IPO7: variants seen among roughly 807,000 people sequenced by gnomAD.
The protein encoded by IPO7 is importin 7.
A neutral mutation model predicts 136.4 loss-of-function variants in IPO7; 13 were observed. The ratio of observed to expected loss-of-function variants is 0.10; its 90% CI spans 0.06 to 0.15. IPO7 has a LOEUF of 0.15. Among genes scored for constraint, IPO7 ranks in the 10% least tolerant of loss-of-function variants. IPO7 has a pLI of 1.00. For synonymous variants in IPO7, 403 were observed against 404.4 expected (o/e 1.00, Z 0.04); for missense variants, 857 against 1,240.6 (o/e 0.69, Z 4.65).
At chr11:9,440,405 G>A (rs1354312743) in intron 22 of IPO7, 50 bp from the exon 23 acceptor site, 1 of 1,431,530 alleles carries the variant, frequency 7.0e-7, no homozygotes. Flanking sequence ...AATTTGTTGA[G>A]TAACAAAATA....
chr11:9,417,715 CTT>C (rs1191474959), intron 6 of IPO7, among the ~76,000 whole-genome samples: 22 of 138,294 alleles, frequency 1.6e-4, no homozygotes, highest in Admixed American at 2.9e-4. Context: ...TTTCTTTTTT[CTT>C]TTTTTTTTTT....
chr11:9,413,800 G>T (rs1855001772), intron 4 of IPO7, among the ~76,000 whole-genome samples: 1 of 151,862 alleles, frequency 6.6e-6, no homozygotes, highest in Admixed American at 6.6e-5. Context: ...GGAAGTATTT[G>T]ATTATATTTG....
At chr11:9,404,167 G>A (rs548064095) in intron 2 of IPO7, among the ~76,000 whole-genome samples, 1 of 151,862 alleles carries the variant, frequency 6.6e-6, no homozygotes, top group African/African-American at 2.4e-5. Context: ...CACCTATTTT[G>A]TTAAAAATTT....
At chr11:9,436,959 C>T (rs1855385679) in intron 20 of IPO7, among the ~76,000 whole-genome samples, 1 of 139,172 alleles carries the variant, frequency 7.2e-6, no homozygotes. Context: ...AATCTCAGCT[C>T]ACTGCAACCT....
chr11:9,411,221 G>C (rs1428039991), intron 4 of IPO7, among the ~76,000 whole-genome samples: 1 of 152,192 alleles, frequency 6.6e-6, no homozygotes, highest in African/African-American at 2.4e-5. Flanking sequence ...GATACAGGAG[G>C]CTGCTACATC....
At chr11:9,438,322 T>G in intron 22 of IPO7, 37 bp downstream of exon 22, 1 of 1,276,602 alleles carries the variant, frequency 7.8e-7, no homozygotes, top group Non-Finnish European at 1.1e-6. Flanking sequence ...AAAACTTATC[T>G]ACTTAGAAAT....
chr11:9,403,465 A>G (rs1397606634), intron 2 of IPO7, 94 bp downstream of exon 2: 2 of 882,258 alleles, frequency 2.3e-6, no homozygotes, highest in Non-Finnish European at 3.6e-6. Context: ...CCCTTTGGCA[A>G]TTTTTTCCCC....
intron 1 of IPO7, among the ~76,000 whole-genome samples, chr11:9,391,117 G>A (rs1486780754): frequency 1.3e-5 from 2 of 152,128 alleles, no homozygotes; most frequent in Non-Finnish European, 2.9e-5. Context: ...TTCCTAGTTG[G>A]AGGTCAGATG....
In IPO7 at chr11:9,428,566, A is replaced by G; in HGVS notation, c.1362A>G (p.Glu454=). The G allele has an allele frequency of 1.3e-6, 2 of 1,547,156 alleles. No homozygotes were observed. ...AAAAGATCTATAAAGATCAGATGGA[A>G]TACATGTTGCAGAATCATGTATTCC... ...LKKKIYKDQM[E]YMLQNHVFPL... is the part of the protein sequence containing the mutation. The change falls in exon 13 of 25, where the codon GAA becomes GAG. Residue 454 remains glutamate, a synonymous_variant. Transcript: ENST00000379719.
rs1590439931 is a variant in IPO7, at chr11:9,418,611, A to T, written c.726+1463A>T. ...ATTTCTACACCCTCCATAGGAAACT[A>T]GTTTGGTGTATATTTTTCTTTGCAC... On this transcript the variant is annotated intron_variant, in intron 6 of 24. Coordinates refer to ENST00000379719, the MANE Select transcript of IPO7 (RefSeq NM_006391.3). 2.6e-5 allele frequency among the ~76,000 whole-genome samples: 4 copies of T among 152,216 alleles called. No individual in the cohort carries two copies. The East Asian group carries it at 7.7e-4, about 29-fold the overall frequency.
intron 7 of IPO7, 33 bp downstream of exon 7, chr11:9,420,538 ATT>A: frequency 6.3e-7 from 1 of 1,575,972 alleles, no homozygotes; most frequent in Non-Finnish European, 8.7e-7. Context: ...ATTTAAATTA[ATT>A]TATTAAGGTT....
chr11:9,406,115 T>TTTC (rs1459402548), intron 2 of IPO7, among the ~76,000 whole-genome samples: 1 of 138,466 alleles, frequency 7.2e-6, no homozygotes, highest in Non-Finnish European at 1.6e-5. Flanking sequence ...TTTTTTTTTT[T>TTTC]TTTTTTTTTT....
intron 4 of IPO7, among the ~76,000 whole-genome samples, chr11:9,411,938 G>T (rs1439191318): frequency 6.6e-6 from 1 of 152,170 alleles, no homozygotes; most frequent in Non-Finnish European, 1.5e-5. Context: ...CTCTTAGGGT[G>T]GGTGATGGAC....
chr11:9,425,290 T>TA, intron 12 of IPO7, 28 bp downstream of exon 12: 1 of 1,257,000 alleles, frequency 8.0e-7, no homozygotes. Context: ...TGTATGTGCA[T>TA]GACTATGCAA....
Position 9,423,814 on chromosome 11 carries a change from A to G in IPO7, c.1079A>G (p.Tyr360Cys), listed in dbSNP as rs1855166869. 1.2e-6 allele frequency: 2 copies of G among 1,609,566 alleles called. No homozygotes were observed. The highest frequency in any genetic ancestry group is 1.7e-6 in the Non-Finnish European group (2 of 1,176,674). Residue 360 changes from tyrosine (Y) to cysteine (C), a missense_variant, in exon 10 of 25, where the codon TAT (tyrosine) becomes TGT (cysteine). Tyr to Cys is a radical substitution (Grantham distance 194). This residue lies in a region of IPO7 where 127 missense variants were observed against 222.4 expected (regional missense o/e 0.57). Transcript: ENST00000379719. ...IQDVIFPLMC[Y>C]TDADEELWQE... The stretch of plus-strand genomic sequence containing the variant: ...GATGTTATTTTTCCATTGATGTGCT[A>G]TACAGATGCTGATGAGGAACTTTGG...
chr11:9,394,246 TAGTG>T (rs1039353476), intron 1 of IPO7, among the ~76,000 whole-genome samples: 1 of 152,146 alleles, frequency 6.6e-6, no homozygotes, highest in Non-Finnish European at 1.5e-5. Context: ...ATTACAGTGT[TAGTG>T]AGTGGAATGC....
At chr11:9,419,041 T>C (rs1234027456) in intron 6 of IPO7, among the ~76,000 whole-genome samples, 84 of 152,238 alleles carry the variant, frequency 5.5e-4, no homozygotes, top group Admixed American at 5.4e-3. Context: ...TTCAGTATTA[T>C]AGATAAAGCT....
intron 18 of IPO7, 119 bp downstream of exon 18, chr11:9,433,965 C>G (rs1204275649): frequency 3.8e-6 from 4 of 1,042,352 alleles, no homozygotes; most frequent in Non-Finnish European, 5.5e-6. Context: ...CTCTTGTTGC[C>G]CAGGCTGGAG....
At chr11:9,419,734 G>C (rs995475907) in intron 6 of IPO7, among the ~76,000 whole-genome samples, 1 of 151,184 alleles carries the variant, frequency 6.6e-6, no homozygotes, top group South Asian at 2.1e-4. Context: ...CAAATAATAT[G>C]ATAATTAATA....
Sources: gnomAD v4.1 joint callset for allele counts (sites outside exome capture counted in the v4.1 genomes callset) on GRCh38, gnomAD v4.1.1 for gene constraint, gnomAD v4.1.1 regional missense constraint, MANE v1.5 for transcripts, NCBI Gene and HGNC (gene_info 2026-07-23, HGNC 2026-07-21) for gene names.